ITGAD: variants seen among roughly 807,000 people sequenced by gnomAD.
ITGAD encodes the protein integrin subunit alpha D.
In ITGAD, 105 loss-of-function variants were observed where a neutral mutation model predicts 139.0. That is an observed-to-expected ratio of 0.76 (90% CI 0.65 to 0.89). ITGAD has a LOEUF of 0.89. ITGAD is among the 40% of genes least tolerant of loss of function. The pLI is 0.00. For missense variants in ITGAD, 1,384 were observed against 1,487.3 expected (o/e 0.93, Z 1.14); for synonymous variants, 569 against 598.3 (o/e 0.95, Z 0.71).
intron 1 of ITGAD, 93 bp from the exon 2 acceptor site, chr16:31,394,130 CAAAAAAAAAAAAA>C: frequency 2.4e-6 from 1 of 414,528 alleles, no homozygotes; most frequent in Non-Finnish European, 4.1e-6. Flanking sequence ...GACTCCATCT[CAAAAAAAAAAAAA>C]AAAAAAAGAA....
intron 17 of ITGAD, 112 bp from the exon 18 acceptor site, chr16:31,414,748 C>T (rs1021591318): frequency 1.4e-5 from 22 of 1,553,336 alleles, no homozygotes; most frequent in Non-Finnish European, 1.8e-5. Context: ...GAACCTGGCT[C>T]CACGGCTTGG....
At chr16:31,414,246 G>GCCATCCATCCAT (rs34319806) in intron 16 of ITGAD, among the ~76,000 whole-genome samples, 14,793 of 148,634 alleles carry the variant, frequency 0.1, 851 homozygotes, top group South Asian at 0.2. Context: ...CTATTATCTA[G>GCCATCCATCCAT]CCATCCATCC....
At chr16:31,398,310 C>T (rs1437202656) in intron 5 of ITGAD, among the ~76,000 whole-genome samples, 1 of 151,682 alleles carries the variant, frequency 6.6e-6, no homozygotes, top group African/African-American at 2.4e-5. Context: ...GCCTGTAATC[C>T]CAGCCACTCG....
intron 23 of ITGAD, among the ~76,000 whole-genome samples, chr16:31,419,812 C>CAAAAAAAAAAAAAAAAAAAAA (rs1202333629): frequency 8.6e-5 from 5 of 58,112 alleles, no homozygotes; most frequent in Admixed American, 1.8e-4. Context: ...GGCTCTGTCT[C>CAAAAAAAAAAAAAAAAAAAAA]AAAAAAAAAA....
chr16:31,412,045 C>T lies in ITGAD; in HGVS notation c.1707+528C>T, dbSNP rs185407549. Among the ~76,000 whole-genome samples, 331 of 151,922 alleles carry T rather than the reference C, an allele frequency of 2.2e-3. 3 individuals are homozygous for T. Among genetic ancestry groups the T allele is most frequent in the African/African-American group, 7.5e-3 (312 of 41,442 alleles). On this transcript the variant is annotated intron_variant, in intron 14 of 29. Transcript: ENST00000389202. ...AGCCCCCTTCTCTGTTTGGGGGTCC[C>T]GAGGTCCTCACCCTGTTTGCTTTTT...
In ITGAD at chr16:31,420,326, C is replaced by G. The variant is rs567060222; in HGVS notation, c.2780+1762C>G. Among the ~76,000 whole-genome samples the G allele has an allele frequency of 1.3e-4, 19 of 151,788 alleles. No homozygotes were observed. The South Asian group carries it at 3.7e-3, about 30-fold the overall frequency. Reference sequence around the variant, plus strand: ...GGTGGAGGCACAGGGGCAGGCGAGGCTGGATGCAGAGCAAGGCATCCCATA... The same window carrying G: ...GGTGGAGGCACAGGGGCAGGCGAGGGTGGATGCAGAGCAAGGCATCCCATA... On this transcript the variant is annotated intron_variant, in intron 23 of 29. Coordinates refer to ENST00000389202, the MANE Select transcript of ITGAD (RefSeq NM_005353.3).
chr16:31,416,759 TCTCTCA>T, intron 20 of ITGAD, 113 bp downstream of exon 20: 10 of 988,430 alleles, frequency 1.0e-5, no homozygotes, highest in South Asian at 1.6e-5. Context: ...TCTCTCTCTC[TCTCTCA>T]CACACACACA....
In ITGAD at chr16:31,393,400, G is replaced by T. The variant is rs753606163; in HGVS notation, c.31+9G>T. 1 of 1,614,010 alleles carries T rather than the reference G, an allele frequency of 6.2e-7. No individual in the cohort carries two copies. Among genetic ancestry groups the T allele is most frequent in the Admixed American group, 1.7e-5 (1 of 60,016 alleles). On this transcript the variant is annotated intron_variant, in intron 1 of 29. Coordinates refer to ENST00000389202, the MANE Select transcript of ITGAD (RefSeq NM_005353.3). ...TGTGCTTCTTCTGAGTGGTAAGTGG[G>T]GCCAGGGTGCTGGGGAGAAGCTTGG...
chr16:31,406,973 A>G (rs2081555416), intron 7 of ITGAD, among the ~76,000 whole-genome samples: 1 of 152,224 alleles, frequency 6.6e-6, no homozygotes. Context: ...CCTCTGGGGA[A>G]GAGAGTTCAG....
Position 31,393,356 on chromosome 16 carries a change from C to T in ITGAD, c.-5C>T. 1 of 1,614,122 alleles carries T rather than the reference C, an allele frequency of 6.2e-7. No homozygotes were observed. Among genetic ancestry groups the T allele is most frequent in the Admixed American group, 1.7e-5 (1 of 60,016 alleles). On this transcript the variant is annotated 5_prime_UTR_variant, in exon 1 of 30. Coordinates refer to ENST00000389202, the MANE Select transcript of ITGAD (RefSeq NM_005353.3). ...TTCCACTTCCCCTCAACGCGCTGCT[C>T]AGGGATGACCTTCGGCACTGTGCTT... is the stretch of plus-strand genomic sequence containing the variant.
intron 29 of ITGAD, among the ~76,000 whole-genome samples, chr16:31,425,569 G>T (rs1164689168): frequency 1.3e-5 from 2 of 152,140 alleles, no homozygotes; most frequent in Non-Finnish European, 2.9e-5. Context: ...GCACACAAAC[G>T]TAAGTTAGCT....
chr16:31,407,864 A>G lies in ITGAD; in HGVS notation c.957A>G (p.Ala319=), dbSNP rs1334081575. The change falls in exon 9 of 30, where the codon GCA becomes GCG. Residue 319 remains alanine, a synonymous_variant. Transcript: ENST00000389202. ...QDHVFKVDNF[A]ALGSIQKQLQ... ...ACGTGTTCAAGGTGGACAACTTTGCAGCCCTTGGCAGCATCCAGAAGCAGC... is the reference window on the plus strand; with the variant it reads ...ACGTGTTCAAGGTGGACAACTTTGCGGCCCTTGGCAGCATCCAGAAGCAGC... 1.2e-6 allele frequency: 2 copies of G among 1,601,586 alleles called. No homozygotes were observed. Among genetic ancestry groups the G allele is most frequent in the South Asian group, 2.2e-5 (2 of 90,824 alleles).
chr16:31,394,142 AAAAAAAAAG>A (rs1383784173), intron 1 of ITGAD, 85 bp from the exon 2 acceptor site: 19 of 560,124 alleles, frequency 3.4e-5, no homozygotes, highest in South Asian at 2.6e-4. Context: ...AAAAAAAAAA[AAAAAAAAAG>A]AAAAAAAAGA....
At chr16:31,415,105 C>A (rs1035589021) in intron 18 of ITGAD, 114 bp downstream of exon 18, 21 of 1,187,522 alleles carry the variant, frequency 1.8e-5, no homozygotes, top group Non-Finnish European at 2.4e-5. Context: ...AAACCTGACT[C>A]CAGTCTCTCC....
rs1286506912 is a variant in ITGAD at position 31,418,105 on chromosome 16, G to A, written c.2530G>A (p.Ala844Thr). 6.2e-7 allele frequency: 1 copy of A among 1,614,020 alleles called. No individual in the cohort carries two copies. Among genetic ancestry groups the A allele is most frequent in the South Asian group, 1.1e-5 (1 of 91,076 alleles). ...GCCCCATCAGAGTGCCCTGCGCCTG[G>A]CATGTGAGACAGTGCCCACTGAGGA... ...KQPHQSALRLACETVPTEDEG... is the reference protein window; with the variant it reads ...KQPHQSALRLTCETVPTEDEG... Residue 844 changes from alanine to threonine, a missense_variant, in exon 21 of 30, where the codon GCA becomes ACA. By Grantham distance (58) the Ala-to-Thr change is moderately conservative (BLOSUM62 0). Transcript: ENST00000389202.
Position 31,411,196 on chromosome 16 carries a change from G to C in ITGAD, c.1477G>C (p.Val493Leu), listed in dbSNP as rs147338780. 1.9e-6 allele frequency: 3 copies of C among 1,613,806 alleles called. No individual in the cohort carries two copies. Among genetic ancestry groups the C allele is most frequent in the Non-Finnish European group, 2.5e-6 (3 of 1,179,848 alleles). The change falls in exon 13 of 30, where the codon GTG (valine) becomes CTG (leucine). Residue 493 changes from valine (V) to leucine (L), a missense_variant. Val to Leu is a conservative substitution (Grantham distance 32, BLOSUM62 1). Transcript: ENST00000389202. ...GCAGACCCGAGGGGGCCAGGTGTCC[G>C]TGTGTCCCTTGCCTAGGGGGGTGAG... ...YEQTRGGQVS[V>L]CPLPRGRVQW...
intron 11 of ITGAD, 32 bp downstream of exon 11, chr16:31,410,556 G>C (rs1162349195): frequency 1.2e-6 from 2 of 1,612,236 alleles, no homozygotes; most frequent in African/African-American, 2.7e-5. Flanking sequence ...GGGACAGGTT[G>C]GAGATGCACT....
At chr16:31,399,596 G>A (rs947897616) in intron 5 of ITGAD, among the ~76,000 whole-genome samples, 2 of 152,296 alleles carry the variant, frequency 1.3e-5, no homozygotes, top group Admixed American at 6.5e-5. Context: ...TTCTTGGGGG[G>A]ACCGTGCCCA....
chr16:31,416,556 T>A lies in ITGAD; in HGVS notation c.2409T>A (p.Thr803=). The A allele has an allele frequency of 1.9e-6, 3 of 1,613,894 alleles. No individual in the cohort carries two copies. Among genetic ancestry groups the A allele is most frequent in the Non-Finnish European group, 2.5e-6 (3 of 1,179,792 alleles). ...GSSLELNVIV[T]VWNAGEDSYG... ...CCCTGGAGCTCAACGTGATTGTGACTGTGTGGAACGCAGGTGAGGATTCCT... is the reference window on the plus strand; with the variant it reads ...CCCTGGAGCTCAACGTGATTGTGACAGTGTGGAACGCAGGTGAGGATTCCT... Residue 803 remains threonine, a synonymous_variant, in exon 20 of 30, where the codon ACT becomes ACA. Transcript: ENST00000389202.
Sources: gnomAD v4.1 joint callset for allele counts (sites outside exome capture counted in the v4.1 genomes callset) on GRCh38, gnomAD v4.1.1 for gene constraint, MANE v1.5 for transcripts, NCBI Gene and HGNC (gene_info 2026-07-23, HGNC 2026-07-21) for gene names.